The following FMN2 variants were observed in gnomAD, a reference collection of about 807,000 sequenced individuals.
FMN2 encodes formin-2.
Under a neutral mutation model 142.3 loss-of-function variants are expected in FMN2, and 51 were observed. That is an observed-to-expected ratio of 0.36 (90% CI 0.29 to 0.45). FMN2 has a LOEUF of 0.45. Ranked by LOEUF, FMN2 falls within the 20% of genes least tolerant of loss-of-function variation. The probability of loss-of-function intolerance (pLI) is 1.00; values close to 1 mark genes in which losing one functional copy is unlikely to be tolerated. For missense variants in FMN2, 1,936 were observed against 2,122.8 expected (o/e 0.91, Z 1.73); for synonymous variants, 882 against 869.8 (o/e 1.01, Z -0.25).
intron 16 of FMN2, among the ~76,000 whole-genome samples, chr1:240,467,910 T>C (rs142775940): frequency 9.8e-5 from 15 of 152,364 alleles, no homozygotes; most frequent in East Asian, 1.9e-4. Flanking sequence ...AAGATAATGC[T>C]ACATTTCCTG....
intron 1 of FMN2, among the ~76,000 whole-genome samples, chr1:240,112,760 T>A (rs1211750055): frequency 6.6e-6 from 1 of 152,174 alleles, no homozygotes; most frequent in Admixed American, 6.5e-5. Flanking sequence ...TTTATGGGGA[T>A]TGCACTTGCG....
chr1:240,257,444 C>G (rs1668482973), intron 6 of FMN2, among the ~76,000 whole-genome samples: 1 of 152,076 alleles, frequency 6.6e-6, no homozygotes, highest in Admixed American at 6.6e-5. Context: ...AGTGAAAGCA[C>G]TTTTTTAAAA....
chr1:240,175,466 T>G (rs1013008735), intron 2 of FMN2, among the ~76,000 whole-genome samples: 1 of 152,166 alleles, frequency 6.6e-6, no homozygotes, highest in African/African-American at 2.4e-5. Flanking sequence ...TGCTTTCAAT[T>G]TCTCCAATCC....
At chr1:240,124,561 C>T (rs993619617) in intron 2 of FMN2, among the ~76,000 whole-genome samples, 14 of 152,100 alleles carry the variant, frequency 9.2e-5, no homozygotes, top group African/African-American at 3.1e-4. Flanking sequence ...GGGATGAGTA[C>T]GCCTCTAAAA....
intron 3 of FMN2, among the ~76,000 whole-genome samples, chr1:240,178,611 T>A (rs1172405074): frequency 1.3e-5 from 2 of 152,142 alleles, no homozygotes; most frequent in East Asian, 3.9e-4. Context: ...CCAGCTAATT[T>A]TTTTGTAGAG....
chr1:240,321,176 C>G (rs191343114), intron 8 of FMN2, among the ~76,000 whole-genome samples: 1 of 151,484 alleles, frequency 6.6e-6, no homozygotes, highest in East Asian at 1.9e-4. Flanking sequence ...CATTGAACAC[C>G]ATTTCTACCT....
At chr1:240,330,526 G>C in intron 10 of FMN2, 77 bp from the exon 11 acceptor site, 2 of 1,455,288 alleles carry the variant, frequency 1.4e-6, no homozygotes, top group South Asian at 2.5e-5. Context: ...AATATAAATA[G>C]CTGGCATCAA....
intron 2 of FMN2, among the ~76,000 whole-genome samples, chr1:240,132,302 G>A (rs372486096): frequency 1.3e-5 from 2 of 152,290 alleles, no homozygotes; most frequent in African/African-American, 4.8e-5. Flanking sequence ...GTAAAATCAT[G>A]AGCAAATAAA....
chr1:240,411,765 C>T (rs1167751787), intron 15 of FMN2, among the ~76,000 whole-genome samples: 1 of 151,748 alleles, frequency 6.6e-6, no homozygotes, highest in Non-Finnish European at 1.5e-5. Context: ...CCATGTCCTT[C>T]TGTTTTAGGG....
chr1:240,141,372 G>A (rs1161303563), intron 2 of FMN2, among the ~76,000 whole-genome samples: 1 of 138,534 alleles, frequency 7.2e-6, no homozygotes, highest in East Asian at 2.1e-4. Context: ...TTATTTTTGG[G>A]ATGGAGTCTC....
At chr1:240,448,794 G>A (rs9725637) in intron 16 of FMN2, among the ~76,000 whole-genome samples, 4 of 148,110 alleles carry the variant, frequency 2.7e-5, no homozygotes, top group Non-Finnish European at 4.5e-5. Flanking sequence ...GCACTCCTGC[G>A]TGGTCAACAG....
At chr1:240,176,129 A>G (rs907551346) in intron 2 of FMN2, among the ~76,000 whole-genome samples, 1 of 152,190 alleles carries the variant, frequency 6.6e-6, no homozygotes, top group African/African-American at 2.4e-5. Context: ...ACTCATTGCC[A>G]AAAACAGTGT....
At chr1:240,356,570 T>C (rs909539764) in intron 14 of FMN2, among the ~76,000 whole-genome samples, 1 of 152,190 alleles carries the variant, frequency 6.6e-6, no homozygotes, top group African/African-American at 2.4e-5. Flanking sequence ...ATGTTTGAAA[T>C]CACTGAAACT....
chr1:240,236,092 T>C (rs948556312), intron 6 of FMN2, among the ~76,000 whole-genome samples: 5 of 152,332 alleles, frequency 3.3e-5, no homozygotes, highest in African/African-American at 1.2e-4. Flanking sequence ...TGATTCATGC[T>C]TGAGCAAATT....
intron 8 of FMN2, among the ~76,000 whole-genome samples, chr1:240,297,278 A>G (rs991483552): frequency 7.9e-5 from 12 of 152,128 alleles, no homozygotes; most frequent in Admixed American, 7.9e-4. Flanking sequence ...AGAACATTGA[A>G]TGTTTATTTT....
At chr1:240,414,365 G>A (rs1420172446) in intron 15 of FMN2, among the ~76,000 whole-genome samples, 1 of 152,214 alleles carries the variant, frequency 6.6e-6, no homozygotes, top group African/African-American at 2.4e-5. Context: ...CTTCACGTCT[G>A]TTAAATGACT....
chr1:240,282,535 A>G (rs1669434449), intron 7 of FMN2, among the ~76,000 whole-genome samples: 1 of 152,198 alleles, frequency 6.6e-6, no homozygotes, highest in Admixed American at 6.5e-5. Flanking sequence ...GGCCTTTATC[A>G]TGGTCTTTAG....
intron 7 of FMN2, among the ~76,000 whole-genome samples, chr1:240,273,332 T>A (rs1420440298): frequency 6.6e-6 from 1 of 152,178 alleles, no homozygotes; most frequent in Non-Finnish European, 1.5e-5. Context: ...ATCTCCATCT[T>A]CAGGATGAAA....
intron 7 of FMN2, among the ~76,000 whole-genome samples, chr1:240,292,945 G>A (rs1292674700): frequency 6.6e-6 from 1 of 152,060 alleles, no homozygotes; most frequent in East Asian, 1.9e-4. Context: ...GTCAACTAGG[G>A]GGAAGTTATA....
Sources: allele counts gnomAD v4.1 joint callset (sites outside exome capture counted in the v4.1 genomes callset), GRCh38; gene constraint gnomAD v4.1.1; transcripts MANE v1.5; gene names NCBI Gene and HGNC (gene_info 2026-07-23, HGNC 2026-07-21).